The following ERC1 variants were observed in gnomAD, a reference collection of about 807,000 sequenced individuals.
ERC1 encodes the protein ELKS/RAB6-interacting/CAST family member 1, also known as RAB6 interacting protein 2.
Under a neutral mutation model 132.0 loss-of-function variants are expected in ERC1, and 56 were observed. The ratio of observed to expected loss-of-function variants is 0.42; its 90% CI spans 0.34 to 0.53. ERC1 has a LOEUF of 0.53. Among genes scored for constraint, ERC1 ranks in the 20% least tolerant of loss-of-function variants. The probability of loss-of-function intolerance (pLI) is 0.03; values close to 1 mark genes in which losing one functional copy is unlikely to be tolerated. For synonymous variants in ERC1, 478 were observed against 476.1 expected, an observed-to-expected ratio of 1.00 and a Z score of -0.05; for missense variants, 1,202 against 1,349.9, an observed-to-expected ratio of 0.89 and a Z score of 1.72.
Position 1,054,223 on chromosome 12 carries a change from TTTGCCAGACA to T in ERC1, c.669+25654_669+25663del, listed in dbSNP as rs1438535239. Among the ~76,000 whole-genome samples the T allele has an allele frequency of 2.0e-4, 31 of 152,296 alleles. No individual in the cohort carries two copies. The East Asian group carries it at 6.0e-3, about 29-fold the overall frequency. ...TATCACAATTCTGGATTCATGAGGA[TTTGCCAGACA>T]TTCAAATTAAAGCCTAATCAATAAC... On this transcript the variant is annotated intron_variant, in intron 2 of 18. Coordinates refer to ENST00000360905, the MANE Select transcript of ERC1 (RefSeq NM_178040.4).
intron 5 of ERC1, among the ~76,000 whole-genome samples, chr12:1,111,129 G>A (rs989159344): frequency 6.6e-6 from 1 of 151,964 alleles, no homozygotes; most frequent in Non-Finnish European, 1.5e-5. Flanking sequence ...CAGGTTTATT[G>A]CTTCCCATGT....
intron 12 of ERC1, among the ~76,000 whole-genome samples, chr12:1,217,485 C>G (rs928202912): frequency 2.6e-5 from 4 of 152,190 alleles, no homozygotes; most frequent in Admixed American, 1.3e-4. Flanking sequence ...CATTCCTAGA[C>G]AGTGTCATTT....
intron 16 of ERC1, among the ~76,000 whole-genome samples, chr12:1,400,528 T>C (rs2090930020): frequency 6.6e-6 from 1 of 152,226 alleles, no homozygotes; most frequent in Admixed American, 6.5e-5. Flanking sequence ...TCTTATGTTT[T>C]GTTCTAAGAG....
chr12:1,300,757 A>G (rs1473627040), intron 15 of ERC1, among the ~76,000 whole-genome samples: 1 of 152,212 alleles, frequency 6.6e-6, no homozygotes, highest in Non-Finnish European at 1.5e-5. Flanking sequence ...ATGAGATACC[A>G]TCTCATGCTA....
At chr12:1,062,649 G>A (rs1230495639) in intron 2 of ERC1, among the ~76,000 whole-genome samples, 1 of 152,182 alleles carries the variant, frequency 6.6e-6, no homozygotes, top group Non-Finnish European at 1.5e-5. Context: ...CCTAGAGAAT[G>A]TTCCATGTGC....
intron 8 of ERC1, among the ~76,000 whole-genome samples, chr12:1,154,195 A>C (rs186086060): frequency 1.0e-4 from 15 of 144,230 alleles, no homozygotes; most frequent in Admixed American, 2.1e-4. Context: ...GCCGAGTAGT[A>C]TTCCATGGTG....
At chr12:1,269,873 A>G (rs1170782224) in intron 14 of ERC1, among the ~76,000 whole-genome samples, 4 of 152,162 alleles carry the variant, frequency 2.6e-5, no homozygotes, top group Non-Finnish European at 5.9e-5. Context: ...CCTGACTCTT[A>G]CTATCCTCTA....
At chr12:1,404,189 T>A (rs2091293317) in intron 16 of ERC1, among the ~76,000 whole-genome samples, 1 of 152,214 alleles carries the variant, frequency 6.6e-6, no homozygotes, top group Non-Finnish European at 1.5e-5. Context: ...GAGGGCTTGC[T>A]CTCGGCTTCG....
chr12:1,353,028 CTT>C (rs547540688), intron 15 of ERC1, among the ~76,000 whole-genome samples: 6 of 122,992 alleles, frequency 4.9e-5, no homozygotes, highest in African/African-American at 5.9e-5. Flanking sequence ...CTTTTCTTTT[CTT>C]TTTTTTTTTT....
chr12:1,145,359 C>T (rs942740145), intron 8 of ERC1, among the ~76,000 whole-genome samples: 6 of 152,092 alleles, frequency 3.9e-5, no homozygotes, highest in African/African-American at 1.4e-4. Flanking sequence ...TGTATATCTT[C>T]TTTTGAGAAC....
chr12:1,152,297 A>G (rs1194366734), intron 8 of ERC1: 1 of 152,110 alleles, frequency 6.6e-6, no homozygotes, highest in Non-Finnish European at 1.5e-5. Context: ...CAGCCAGCAG[A>G]TGATAAAAGC....
intron 16 of ERC1, among the ~76,000 whole-genome samples, chr12:1,383,335 C>T (rs1392078255): frequency 6.6e-6 from 1 of 152,106 alleles, no homozygotes; most frequent in Admixed American, 6.5e-5. Context: ...ATATGTAAAA[C>T]TAGAAAGATT....
intron 17 of ERC1, among the ~76,000 whole-genome samples, chr12:1,439,794 T>C (rs2093051916): frequency 6.6e-6 from 1 of 152,198 alleles, no homozygotes; most frequent in African/African-American, 2.4e-5. Context: ...GCATTCTCTT[T>C]CTACTTGGCA....
At position 1,215,854 on chromosome 12, in the gene ERC1, C is replaced by T. The variant is rs145275880; in HGVS notation, c.2352-20915C>T. 4.5e-3 allele frequency among the ~76,000 whole-genome samples: 679 copies of T among 152,010 alleles called. 11 individuals are homozygous for T. The highest frequency in any genetic ancestry group is 0.016 in the African/African-American group (649 of 41,430). On this transcript the variant is annotated intron_variant, in intron 12 of 18. Coordinates refer to ENST00000360905, the MANE Select transcript of ERC1 (RefSeq NM_178040.4). ...AGGTTATTGTTAAAGACCTTTAGTGCTAATTAAGGGAATATGGATTTTATT... is the reference window on the plus strand; with the variant it reads ...AGGTTATTGTTAAAGACCTTTAGTGTTAATTAAGGGAATATGGATTTTATT...
intron 15 of ERC1, among the ~76,000 whole-genome samples, chr12:1,365,036 A>T (rs1463972514): frequency 1.3e-5 from 2 of 152,198 alleles, no homozygotes; most frequent in Non-Finnish European, 2.9e-5. Context: ...TACCTTAAAA[A>T]TTTTGGTAGA....
chr12:1,153,577 G>A (rs1325768449), intron 8 of ERC1, among the ~76,000 whole-genome samples: 1 of 152,224 alleles, frequency 6.6e-6, no homozygotes, highest in African/African-American at 2.4e-5. Context: ...CATATGATTG[G>A]TACTTAATTT....
chr12:1,100,618 G>T (rs765732433), intron 3 of ERC1, among the ~76,000 whole-genome samples: 1 of 152,040 alleles, frequency 6.6e-6, no homozygotes, highest in Non-Finnish European at 1.5e-5. Flanking sequence ...GGATATAGGT[G>T]TAAGAAAAAA....
chr12:1,215,079 TA>T (rs907202206), intron 12 of ERC1, among the ~76,000 whole-genome samples: 3 of 152,196 alleles, frequency 2.0e-5, no homozygotes, highest in Non-Finnish European at 2.9e-5. Flanking sequence ...TCAATGACAA[TA>T]AAAAAGTTTA....
chr12:1,356,417 A>T (rs1475063288), intron 15 of ERC1, among the ~76,000 whole-genome samples: 1 of 151,924 alleles, frequency 6.6e-6, no homozygotes, highest in Non-Finnish European at 1.5e-5. Flanking sequence ...AAATTCTAAA[A>T]CTTGCTTTGA....
Sources: gnomAD v4.1 joint callset for allele counts (sites outside exome capture counted in the v4.1 genomes callset) on GRCh38, gnomAD v4.1.1 for gene constraint, MANE v1.5 for transcripts, NCBI Gene and HGNC (gene_info 2026-07-23, HGNC 2026-07-21) for gene names.